Variants in NLGN1 observed in about 807,000 individuals in gnomAD.
The protein encoded by NLGN1 is neuroligin-1.
In NLGN1, 12 loss-of-function variants were observed where a neutral mutation model predicts 65.5. That is an observed-to-expected ratio of 0.18 (90% CI 0.12 to 0.30). The LOEUF (loss-of-function observed/expected upper bound fraction) is 0.30, where lower values mean the gene tolerates loss of function less well. NLGN1 is among the 10% of genes least tolerant of loss of function. The pLI is 1.00. For synonymous variants in NLGN1, 350 were observed against 359.5 expected, an observed-to-expected ratio of 0.97 and a Z score of 0.30; for missense variants, 750 against 1,007.1, an observed-to-expected ratio of 0.74 and a Z score of 3.46.
intron 2 of NLGN1, among the ~76,000 whole-genome samples, chr3:173,501,051 T>C (rs950328457): frequency 3.9e-5 from 6 of 152,102 alleles, no homozygotes; most frequent in Non-Finnish European, 7.4e-5. Flanking sequence ...ATCCTCCAGG[T>C]TTTTAAAAAT....
intron 2 of NLGN1, among the ~76,000 whole-genome samples, chr3:173,495,044 A>G (rs1576969053): frequency 6.6e-6 from 1 of 151,942 alleles, no homozygotes; most frequent in East Asian, 1.9e-4. Flanking sequence ...TTTTCATAAA[A>G]TAGTCACTAG....
chr3:173,601,334 C>T (rs1750511695), intron 2 of NLGN1, among the ~76,000 whole-genome samples: 1 of 152,136 alleles, frequency 6.6e-6, no homozygotes, highest in South Asian at 2.1e-4. Context: ...CACAGGTTAT[C>T]CGTCTTAGGT....
chr3:173,637,227 G>A lies in NLGN1; in HGVS notation c.493+32136G>A, dbSNP rs550457045. ...AAGAGGCCTACTATGGAATGAGTAGGTAACTGTATCTAGAAGGCAGTTTAT... is the reference window on the plus strand; with the variant it reads ...AAGAGGCCTACTATGGAATGAGTAGATAACTGTATCTAGAAGGCAGTTTAT... On this transcript the variant is annotated intron_variant, in intron 3 of 6. Coordinates refer to ENST00000457714, the Ensembl canonical transcript of NLGN1. Among the ~76,000 whole-genome samples the A allele has an allele frequency of 2.7e-3, 404 of 152,230 alleles. 3 individuals are homozygous for A. The highest frequency in any genetic ancestry group is 0.01 in the Middle Eastern group (3 of 294).
chr3:173,447,333 A>T (rs1013986124), intron 2 of NLGN1, among the ~76,000 whole-genome samples: 13 of 152,138 alleles, frequency 8.5e-5, no homozygotes, highest in African/African-American at 2.9e-4. Flanking sequence ...TCCTTTCCCC[A>T]TTGCTTGTTT....
chr3:174,064,111 C>T (rs1737972639), intron 4 of NLGN1, among the ~76,000 whole-genome samples: 1 of 152,018 alleles, frequency 6.6e-6, no homozygotes, highest in African/African-American at 2.4e-5. Flanking sequence ...CATTGCTCTC[C>T]AGCCTGGGCA....
chr3:173,488,807 A>G (rs1334870591), intron 2 of NLGN1, among the ~76,000 whole-genome samples: 1 of 151,938 alleles, frequency 6.6e-6, no homozygotes, highest in Non-Finnish European at 1.5e-5. Context: ...ATCTATCATG[A>G]AAAAGTCTCA....
chr3:174,150,449 T>C (rs1466262700), intron 4 of NLGN1, among the ~76,000 whole-genome samples: 1 of 152,126 alleles, frequency 6.6e-6, no homozygotes, highest in African/African-American at 2.4e-5. Context: ...TCTCTGCACC[T>C]TCTCAGTTGT....
chr3:173,441,598 A>G lies in NLGN1; in HGVS notation c.-321+6520A>G, dbSNP rs181705048. On this transcript the variant is annotated intron_variant, in intron 2 of 6. Transcript: ENST00000457714. Reference sequence around the variant, plus strand: ...GGTTAGTGGAGCAGTCAGAACACACATATTTGTCAGTTAAGTCTGCCATCT... The same window carrying G: ...GGTTAGTGGAGCAGTCAGAACACACGTATTTGTCAGTTAAGTCTGCCATCT... 1.6e-3 allele frequency among the ~76,000 whole-genome samples: 241 copies of G among 152,234 alleles called. 1 individual carries two copies. The highest frequency in any genetic ancestry group is 5.4e-3 in the African/African-American group (225 of 41,550).
intron 4 of NLGN1, among the ~76,000 whole-genome samples, chr3:173,863,523 T>G (rs557607149): frequency 2.8e-3 from 431 of 152,314 alleles, no homozygotes; most frequent in Non-Finnish European, 5.2e-3. Context: ...TCAATTTCAT[T>G]GTAAATGCAC....
intron 2 of NLGN1, among the ~76,000 whole-genome samples, chr3:173,451,878 C>G (rs1052150099): frequency 1.3e-5 from 2 of 152,210 alleles, no homozygotes; most frequent in African/African-American, 4.8e-5. Context: ...ATATAATCTC[C>G]TGGTGTGCCG....
intron 4 of NLGN1, among the ~76,000 whole-genome samples, chr3:174,091,323 C>CT (rs1217794336): frequency 3.3e-5 from 5 of 152,202 alleles, no homozygotes; most frequent in Admixed American, 6.5e-5. Flanking sequence ...GCATTCTACT[C>CT]TGAGTTTTTA....
intron 4 of NLGN1, among the ~76,000 whole-genome samples, chr3:173,861,561 TACAC>T (rs1310226245): frequency 2.7e-5 from 4 of 148,142 alleles, no homozygotes; most frequent in East Asian, 4.1e-4. Flanking sequence ...TGTGTGTATA[TACAC>T]ACACACATAT....
intron 4 of NLGN1, among the ~76,000 whole-genome samples, chr3:173,974,407 C>G (rs1716966033): frequency 6.6e-6 from 1 of 151,956 alleles, no homozygotes; most frequent in Admixed American, 6.6e-5. Context: ...TGAACTTTGA[C>G]TCATTCATTC....
chr3:173,685,619 G>C, intron 3 of NLGN1: 2 of 983,736 alleles, frequency 2.0e-6, no homozygotes, highest in Non-Finnish European at 2.4e-6. Context: ...TAGGCTGGAA[G>C]TCAATGATTT....
At chr3:173,776,167 A>G (rs1428742625) in intron 3 of NLGN1, among the ~76,000 whole-genome samples, 58 of 152,200 alleles carry the variant, frequency 3.8e-4, no homozygotes, top group Non-Finnish European at 5.9e-5. Context: ...GCAATTCTAA[A>G]TAAGTCAACT....
Position 173,956,967 on chromosome 3 carries a change from T to A in NLGN1, c.646+149135T>A, listed in dbSNP as rs73040096. ...GTTTCCAACTGAGTTGGATTTTTTT[T>A]AAAAATGAGTTAATAACATTGTGAA... On this transcript the variant is annotated intron_variant, in intron 4 of 6. Coordinates refer to ENST00000457714, the Ensembl canonical transcript of NLGN1. Among the ~76,000 whole-genome samples the A allele has an allele frequency of 7.9e-3, 1,195 of 152,152 alleles. 21 individuals carry two copies. The highest frequency in any genetic ancestry group is 0.051 in the East Asian group (263 of 5,172).
At chr3:173,459,951 C>A (rs888166070) in intron 2 of NLGN1, among the ~76,000 whole-genome samples, 5 of 151,816 alleles carry the variant, frequency 3.3e-5, no homozygotes, top group Non-Finnish European at 7.4e-5. Context: ...TTATGAGAAG[C>A]AATTATTTTT....
chr3:174,095,626 G>C (rs1561030279), intron 4 of NLGN1, among the ~76,000 whole-genome samples: 1 of 151,204 alleles, frequency 6.6e-6, no homozygotes. Flanking sequence ...AACTGTGTGT[G>C]TATATATGTA....
At chr3:173,575,217 A>T (rs997891640) in intron 2 of NLGN1, among the ~76,000 whole-genome samples, 1 of 151,428 alleles carries the variant, frequency 6.6e-6, no homozygotes, top group Non-Finnish European at 1.5e-5. Flanking sequence ...ATAAAAAAAT[A>T]AAAAAAAATT....
Sources: allele counts gnomAD v4.1 joint callset (sites outside exome capture counted in the v4.1 genomes callset), GRCh38; gene constraint gnomAD v4.1.1; transcripts MANE v1.5; gene names NCBI Gene and HGNC (gene_info 2026-07-23, HGNC 2026-07-21).